The following SMAD2 variants were observed in gnomAD, a reference collection of about 807,000 sequenced individuals.
The protein encoded by SMAD2 is SMAD family member 2.
Under a neutral mutation model 64.4 loss-of-function variants are expected in SMAD2, and 8 were observed. The ratio of observed to expected loss-of-function variants is 0.12; its 90% confidence interval spans 0.07 to 0.22. The LOEUF is 0.22. Ranked by LOEUF, SMAD2 falls within the 10% of genes least tolerant of loss-of-function variation. The pLI is 1.00. For synonymous variants in SMAD2, 203 were observed against 195.8 expected (o/e 1.04, Z -0.31); for missense variants, 289 against 561.2 (o/e 0.51, Z 4.90).
At chr18:47,866,714 A>T (rs552423969) in intron 5 of SMAD2, 185 of 152,330 alleles carry the variant, frequency 1.2e-3, no homozygotes, top group African/African-American at 4.2e-3. Context: ...AGAAAATGTT[A>T]AAATTTCTTT....
rs1046561465 is a variant in SMAD2 at position 47,921,515 on chromosome 18, T to C, written c.-54+8846A>G. On this transcript the variant is annotated intron_variant, in intron 1 of 10. Coordinates refer to ENST00000262160, the MANE Select transcript of SMAD2 (RefSeq NM_005901.6). ...CAGCTGTAGATGTTTTCATGTACCC[T>C]GCCTTGCCTTGCTGTGATATTAAAG... is the stretch of plus-strand genomic sequence containing the variant. Among the ~76,000 whole-genome samples, 30 of 152,354 alleles carry C rather than the reference T, an allele frequency of 2.0e-4. No homozygotes were observed. The East Asian group carries it at 5.6e-3, about 28-fold the overall frequency.
chr18:47,848,829 G>C lies in SMAD2; in HGVS notation c.785-142C>G, dbSNP rs142492956. ...AGCTCAGGAAGTAGACATAGTATCT[G>C]TATCGGTTTCCACAGATGATACCAG... On this transcript the variant is annotated intron_variant, in intron 7 of 10. Transcript: ENST00000262160. 257 of 656,612 alleles carry C rather than the reference G, an allele frequency of 3.9e-4. No homozygotes were observed. The African/African-American group carries it at 4.3e-3, about 11-fold the overall frequency. 40.7% of individuals were successfully genotyped at this position (656,612 alleles called of 1,614,324 possible).
chr18:47,913,418 G>A (rs953579537), intron 1 of SMAD2, among the ~76,000 whole-genome samples: 1 of 152,164 alleles, frequency 6.6e-6, no homozygotes, highest in Admixed American at 6.5e-5. Context: ...TGTCTTACAA[G>A]AGGAGTTAAA....
chr18:47,857,129 C>T (rs1390814675), intron 6 of SMAD2, among the ~76,000 whole-genome samples: 1 of 152,156 alleles, frequency 6.6e-6, no homozygotes, highest in Non-Finnish European at 1.5e-5. Context: ...AGTGACTATG[C>T]TAATTTTTTA....
rs1255134124 is a variant in SMAD2 at position 47,840,837 on chromosome 18, T to C, written c.*990A>G. 2 of 231,972 alleles carry C rather than the reference T, an allele frequency of 8.6e-6. No homozygotes were observed. The highest frequency in any genetic ancestry group is 4.4e-5 in the African/African-American group (2 of 45,286). The allele number at this position is 231,972 out of a possible 1,614,324, so 14.4% of individuals were successfully genotyped here. On this transcript the variant is annotated 3_prime_UTR_variant, in exon 11 of 11. Coordinates refer to ENST00000262160, the MANE Select transcript of SMAD2 (RefSeq NM_005901.6). ...AGGGATAAATATGTGGAAGTAATTC[T>C]AGCATATCCCTGAAAATAATTATAC...
Position 47,824,229 on chromosome 18 carries a change from A to G in SMAD2, c.*17598T>C, listed in dbSNP as rs2144240636. 1 of 152,372 alleles carries G rather than the reference A, an allele frequency of 6.6e-6. No individual in the cohort carries two copies. The highest frequency in any genetic ancestry group is 1.9e-4 in the East Asian group (1 of 5,188). 9.4% of individuals were successfully genotyped at this position (152,372 alleles called of 1,614,324 possible). ...GTCAGAATCAAGAGTCATGTTTCCA[A>G]AAGCCCTGACAAATGGAGCCAGGGA... On this transcript the variant is annotated 3_prime_UTR_variant, in exon 11 of 11. Transcript: ENST00000262160.
chr18:47,851,656 T>C (rs1947643182), intron 6 of SMAD2, among the ~76,000 whole-genome samples: 1 of 152,182 alleles, frequency 6.6e-6, no homozygotes, highest in South Asian at 2.1e-4. Context: ...TTGTTCTGTG[T>C]CCTTTCTTTT....
At chr18:47,875,109 G>A (rs1375640106) in intron 2 of SMAD2, among the ~76,000 whole-genome samples, 1 of 152,074 alleles carries the variant, frequency 6.6e-6, no homozygotes, top group East Asian at 1.9e-4. Context: ...TGTCCTTTCT[G>A]TCTCACATGA....
rs567085392 is a variant in SMAD2 at position 47,828,134 on chromosome 18, G to A, written c.*13693C>T. Reference sequence around the variant, plus strand: ...AGGAGCGTCTCTGCCCGGCCGCCCCGTCTGAGAAGTGAGGAGCCCCTCCGC... The same window carrying A: ...AGGAGCGTCTCTGCCCGGCCGCCCCATCTGAGAAGTGAGGAGCCCCTCCGC... On this transcript the variant is annotated 3_prime_UTR_variant, in exon 11 of 11. Transcript: ENST00000262160. 2.1e-4 allele frequency: 32 copies of A among 154,824 alleles called. No individual in the cohort carries two copies. Among genetic ancestry groups the A allele is most frequent in the Admixed American group, 6.8e-4 (10 of 14,636 alleles). 9.6% of individuals were successfully genotyped at this position (154,824 alleles called of 1,614,324 possible).
At chr18:47,902,553 C>T (rs972255340) in intron 1 of SMAD2, among the ~76,000 whole-genome samples, 3 of 152,142 alleles carry the variant, frequency 2.0e-5, no homozygotes, top group Admixed American at 6.6e-5. Context: ...AATAGAGAAA[C>T]GTAGCCCTGA....
chr18:47,870,899 G>A (rs1379249009), intron 2 of SMAD2, among the ~76,000 whole-genome samples: 3 of 152,012 alleles, frequency 2.0e-5, no homozygotes, highest in African/African-American at 7.2e-5. Context: ...TTTACTAAGT[G>A]CTTCATTTTA....
intron 6 of SMAD2, among the ~76,000 whole-genome samples, chr18:47,859,953 G>A (rs1047304044): frequency 6.6e-5 from 10 of 152,138 alleles, no homozygotes; most frequent in Non-Finnish European, 1.5e-4. Flanking sequence ...TTGGCAACCT[G>A]GTGAAATCCT....
chr18:47,864,276 C>T (rs149448428), intron 6 of SMAD2, among the ~76,000 whole-genome samples: 22 of 152,138 alleles, frequency 1.4e-4, no homozygotes, highest in African/African-American at 4.8e-4. Flanking sequence ...TCCAAAAAAA[C>T]GGATTTAAAC....
In SMAD2 at chr18:47,822,587, T is replaced by C. The variant is rs2144238258; in HGVS notation, c.*19240A>G. On this transcript the variant is annotated 3_prime_UTR_variant, in exon 11 of 11. Coordinates refer to ENST00000262160, the MANE Select transcript of SMAD2 (RefSeq NM_005901.6). ...AAATTCTCTCATGCTATCTATAGTT[T>C]ACAGCAATTTGGAATACTTTTGTGA... The C allele has an allele frequency of 6.6e-6, 1 of 152,384 alleles. No homozygotes were observed. The highest frequency in any genetic ancestry group is 1.5e-5 in the Non-Finnish European group (1 of 68,036). 9.4% of individuals were successfully genotyped at this position (152,384 alleles called of 1,614,324 possible).
Position 47,842,094 on chromosome 18 carries a change from G to A in SMAD2, c.1281-144C>T. 3 of 832,602 alleles carry A rather than the reference G, an allele frequency of 3.6e-6. No individual in the cohort carries two copies. In the South Asian group the frequency reaches 4.5e-5, roughly 13 times the overall value. The allele number at this position is 832,602 out of a possible 1,614,324, so 51.6% of individuals were successfully genotyped here. A position where few individuals can be genotyped will look rare whatever the true frequency, so the allele number is the denominator to read the frequency against. On this transcript the variant is annotated intron_variant, in intron 10 of 10. Coordinates refer to ENST00000262160, the MANE Select transcript of SMAD2 (RefSeq NM_005901.6). Reference sequence around the variant, plus strand: ...TTTGGACACGATTATTCCGCAAAATGGTTGATCCTCAAAGTCAAAGTACTT... The same window carrying A: ...TTTGGACACGATTATTCCGCAAAATAGTTGATCCTCAAAGTCAAAGTACTT...
At chr18:47,888,767 C>T (rs1234068595) in intron 2 of SMAD2, among the ~76,000 whole-genome samples, 1 of 151,936 alleles carries the variant, frequency 6.6e-6, no homozygotes, top group Non-Finnish European at 1.5e-5. Context: ...ACATAATGTA[C>T]AAAACATATG....
rs765291921 is a variant in SMAD2, at chr18:47,868,429, G to A, written c.549C>T (p.His183=). 6 of 1,608,198 alleles carry A rather than the reference G, an allele frequency of 3.7e-6. No homozygotes were observed. The highest frequency in any genetic ancestry group is 5.1e-6 in the Non-Finnish European group (6 of 1,177,354). ...GCGGAAGTTCTGTTAGGATCTCGGT[G>A]TGTCGGGGCACTAATACTGGAGGCA... The part of the protein sequence containing the change: ...PVLPPVLVPR[H]TEILTELPPL... Residue 183 remains histidine, a synonymous_variant, in exon 5 of 11, where the codon CAC becomes CAT. Coordinates refer to ENST00000262160, the MANE Select transcript of SMAD2 (RefSeq NM_005901.6).
rs574727662 is a variant in SMAD2 at position 47,848,968 on chromosome 18, T to C, written c.785-281A>G. 7.2e-5 allele frequency among the ~76,000 whole-genome samples: 11 copies of C among 152,278 alleles called. 1 individual carries two copies. In the South Asian group the frequency reaches 2.3e-3, roughly 32 times the overall value. On this transcript the variant is annotated intron_variant, in intron 7 of 10. Transcript: ENST00000262160. ...TTGGATTCTTTGTTTTACCAGTAGT[T>C]TTAGTCTAGCTCCTGTTCAAATACA...
chr18:47,864,118 A>T (rs77096575), intron 6 of SMAD2, among the ~76,000 whole-genome samples: 3 of 152,196 alleles, frequency 2.0e-5, no homozygotes, highest in Non-Finnish European at 4.4e-5. Flanking sequence ...TTAGTAAAAC[A>T]TATGTGGAAA....
Sources: gnomAD v4.1 joint callset for allele counts (sites outside exome capture counted in the v4.1 genomes callset) on GRCh38, gnomAD v4.1.1 for gene constraint, MANE v1.5 for transcripts, NCBI Gene and HGNC (gene_info 2026-07-23, HGNC 2026-07-21) for gene names.